Variants in STK40 observed in about 807,000 individuals in gnomAD.
STK40 encodes the protein serine/threonine-protein kinase 40.
A neutral mutation model predicts 47.9 loss-of-function variants in STK40; 13 were observed. The observed-to-expected ratio is 0.27, with a 90% CI of 0.18 to 0.43. The LOEUF is 0.43. Ranked by LOEUF, STK40 falls within the 20% of genes least tolerant of loss-of-function variation. The pLI, the probability that STK40 is intolerant of heterozygous loss-of-function variation, is 1.00. For synonymous variants in STK40, 225 were observed against 243.2 expected (o/e 0.93, Z 0.69); for missense variants, 460 against 595.1 (o/e 0.77, Z 2.36).
rs758522274 is a variant in STK40, at chr1:36,341,831, C to T, written c.1232G>A (p.Arg411Gln). 23 of 1,613,610 alleles carry T rather than the reference C, an allele frequency of 1.4e-5. No homozygotes were observed. Among genetic ancestry groups the T allele is most frequent in the East Asian group, 2.2e-5 (1 of 44,860 alleles). ...GGGCTGTGCGTCGTGGCCCAGCCGT[C>T]GCACCGGTGGTGCGCTGCCGAACTG... ...KRQFGSAPPV[R>Q]RLGHDAQPMT... Residue 411 changes from arginine (R) to glutamine (Q), a missense_variant, in exon 11 of 11, where the codon CGA becomes CAA. By Grantham distance (43) the Arg-to-Gln change is conservative. This residue lies in a region of STK40 where 181 missense variants were observed against 218.9 expected (regional missense o/e 0.83). Coordinates refer to ENST00000373132, the MANE Select transcript of STK40 (RefSeq NM_001282547.2).
chr1:36,348,434 C>G (rs1368069460), intron 7 of STK40, among the ~76,000 whole-genome samples: 1 of 152,210 alleles, frequency 6.6e-6, no homozygotes, highest in Non-Finnish European at 1.5e-5. Flanking sequence ...GGGGAAAGTC[C>G]TCCAAGCACC....
At chr1:36,382,141 G>C (rs888223070) in intron 1 of STK40, among the ~76,000 whole-genome samples, 5 of 151,964 alleles carry the variant, frequency 3.3e-5, no homozygotes, top group Admixed American at 2.6e-4. Flanking sequence ...TGCTAGCAGG[G>C]ACACACAGAG....
chr1:36,358,000 A>G (rs781750030), intron 4 of STK40, among the ~76,000 whole-genome samples: 13 of 152,266 alleles, frequency 8.5e-5, no homozygotes, highest in Non-Finnish European at 1.0e-4. Context: ...TGCTGTTAAG[A>G]TGCAAACTGT....
At chr1:36,374,733 G>C (rs1423958435) in intron 1 of STK40, among the ~76,000 whole-genome samples, 1 of 152,218 alleles carries the variant, frequency 6.6e-6, no homozygotes, top group Non-Finnish European at 1.5e-5. Context: ...TGTTTGCGGT[G>C]GCCCCTTGGC....
chr1:36,345,991 A>ATATATATATTT, intron 7 of STK40, among the ~76,000 whole-genome samples: 1 of 26,466 alleles, frequency 3.8e-5, no homozygotes, highest in Admixed American at 6.5e-4. Flanking sequence ...ATATATATAT[A>ATATATATATTT]TTTTTTTTTT....
intron 1 of STK40, among the ~76,000 whole-genome samples, chr1:36,380,099 G>A (rs1338683861): frequency 1.3e-5 from 2 of 152,220 alleles, no homozygotes; most frequent in Admixed American, 1.3e-4. Flanking sequence ...ATCACAGCAA[G>A]CAATTGCATC....
intron 4 of STK40, among the ~76,000 whole-genome samples, chr1:36,357,906 T>G (rs987678467): frequency 2.6e-5 from 4 of 152,232 alleles, no homozygotes; most frequent in South Asian, 2.1e-4. Flanking sequence ...TGAGCCACCG[T>G]GCCTGGCCTG....
At chr1:36,384,898 C>T in intron 1 of STK40, among the ~76,000 whole-genome samples, 1 of 152,232 alleles carries the variant, frequency 6.6e-6, no homozygotes, top group East Asian at 1.9e-4. Flanking sequence ...AGTATGCCTA[C>T]CCTCTTCCCC....
At chr1:36,376,717 C>A (rs1557524765) in intron 1 of STK40, among the ~76,000 whole-genome samples, 2 of 152,012 alleles carry the variant, frequency 1.3e-5, no homozygotes, top group Non-Finnish European at 2.9e-5. Context: ...AAGCACACTG[C>A]AGGAATATAT....
chr1:36,371,715 A>G (rs35659844), intron 1 of STK40, among the ~76,000 whole-genome samples: 1 of 127,382 alleles, frequency 7.9e-6, no homozygotes, highest in Non-Finnish European at 1.7e-5. Context: ...AAAAAAAAGG[A>G]CTGCGTGCGG....
At chr1:36,352,352 T>C (rs1390318517) in intron 6 of STK40, among the ~76,000 whole-genome samples, 2 of 152,226 alleles carry the variant, frequency 1.3e-5, no homozygotes, top group Non-Finnish European at 2.9e-5. Flanking sequence ...TCACACCCAC[T>C]GATTTGCATC....
chr1:36,384,495 ATC>A (rs1437744886), intron 1 of STK40, among the ~76,000 whole-genome samples: 2 of 152,334 alleles, frequency 1.3e-5, no homozygotes, highest in Middle Eastern at 6.8e-3. Context: ...TCTTCATAAT[ATC>A]TCTCTCTGTT....
intron 1 of STK40, among the ~76,000 whole-genome samples, chr1:36,370,568 C>T (rs574475002): frequency 6.6e-6 from 1 of 152,322 alleles, no homozygotes; most frequent in African/African-American, 2.4e-5. Flanking sequence ...TCACCACCCA[C>T]GCTCTGCAGA....
In STK40 at chr1:36,341,693, G is replaced by A. The variant is rs995669033; in HGVS notation, c.*62C>T. 185 of 1,587,344 alleles carry A rather than the reference G, an allele frequency of 1.2e-4. No individual in the cohort carries two copies. Among genetic ancestry groups the A allele is most frequent in the Non-Finnish European group, 1.6e-4 (181 of 1,162,272 alleles). On this transcript the variant is annotated 3_prime_UTR_variant, in exon 11 of 11. Coordinates refer to ENST00000373132, the MANE Select transcript of STK40 (RefSeq NM_001282547.2). Reference sequence around the variant, plus strand: ...AGCACTACAGGGCCCAGCCCTGACAGCCACGCCTTTGGCTGGGGCTGGAAG... The same window carrying A: ...AGCACTACAGGGCCCAGCCCTGACAACCACGCCTTTGGCTGGGGCTGGAAG...
intron 7 of STK40, among the ~76,000 whole-genome samples, chr1:36,344,714 G>A (rs948898922): frequency 2.0e-5 from 3 of 152,112 alleles, no homozygotes; most frequent in South Asian, 2.1e-4. Flanking sequence ...GTGACTCCCC[G>A]TCTCCCCTCT....
chr1:36,381,966 T>C (rs1647043135), intron 1 of STK40, among the ~76,000 whole-genome samples: 1 of 152,026 alleles, frequency 6.6e-6, no homozygotes. Context: ...TCCTCCATGG[T>C]AGGGCCTGCC....
chr1:36,379,026 C>T (rs748851096), intron 1 of STK40, among the ~76,000 whole-genome samples: 13 of 152,188 alleles, frequency 8.5e-5, no homozygotes, highest in Non-Finnish European at 1.5e-4. Flanking sequence ...GCTGTCCCCT[C>T]AACACACCTC....
At chr1:36,343,786 C>A in intron 9 of STK40, 74 bp downstream of exon 9, 2 of 1,510,878 alleles carry the variant, frequency 1.3e-6, no homozygotes. Context: ...TGACTACTGG[C>A]TGCTTTTCTG....
chr1:36,362,514 C>A (rs149234402), intron 1 of STK40: 1 of 152,204 alleles, frequency 6.6e-6, no homozygotes, highest in South Asian at 2.1e-4. Flanking sequence ...CAACGCGAGG[C>A]AGGGAGTGGT....
Sources: allele counts gnomAD v4.1 joint callset (sites outside exome capture counted in the v4.1 genomes callset), GRCh38; gene constraint gnomAD v4.1.1; regional missense constraint gnomAD v4.1.1; transcripts MANE v1.5; gene names NCBI Gene and HGNC (gene_info 2026-07-23, HGNC 2026-07-21).